FNDC1: variants seen among roughly 807,000 people sequenced by gnomAD.
The protein encoded by FNDC1 is fibronectin type III domain containing 1.
FNDC1 carries 96 observed loss-of-function variants against 168.0 expected under a neutral mutation model. The observed-to-expected ratio is 0.57, with a 90% confidence interval of 0.48 to 0.68. The LOEUF (loss-of-function observed/expected upper bound fraction) is 0.68. Ranked by LOEUF, FNDC1 falls within the 30% of genes least tolerant of loss-of-function variation. FNDC1 has a pLI of 0.00. For synonymous variants in FNDC1, 1,099 were observed against 1,025.9 expected (o/e 1.07, Z -1.36); for missense variants, 2,587 against 2,482.1 (o/e 1.04, Z -0.90).
intron 1 of FNDC1, among the ~76,000 whole-genome samples, chr6:159,185,094 C>T (rs186644165): frequency 0.018 from 2,684 of 145,544 alleles, 38 homozygotes; most frequent in Middle Eastern, 0.031. Flanking sequence ...TGTTTTTGCT[C>T]TGAAACGGTA....
At chr6:159,236,368 A>C in intron 12 of FNDC1, 53 bp downstream of exon 12, 1 of 1,204,052 alleles carries the variant, frequency 8.3e-7, no homozygotes, top group Non-Finnish European at 1.2e-6. Flanking sequence ...TTGAGAAGAG[A>C]AAAATGGTGG....
chr6:159,223,256 A>G (rs1782875366), intron 6 of FNDC1, among the ~76,000 whole-genome samples: 1 of 152,122 alleles, frequency 6.6e-6, no homozygotes, highest in African/African-American at 2.4e-5. Context: ...TCGGCCTCCC[A>G]AAGTGCTGGG....
intron 7 of FNDC1, among the ~76,000 whole-genome samples, chr6:159,223,868 C>T (rs1782898461): frequency 6.6e-6 from 1 of 152,232 alleles, no homozygotes; most frequent in Non-Finnish European, 1.5e-5. Context: ...GTGTAGTGCA[C>T]ACAGCAGGAA....
chr6:159,263,932 G>A (rs956401995), intron 19 of FNDC1, among the ~76,000 whole-genome samples: 2 of 152,190 alleles, frequency 1.3e-5, no homozygotes, highest in Admixed American at 1.3e-4. Context: ...TCCAGCCTGG[G>A]CAACAAGAGC....
chr6:159,195,602 C>T (rs1298067063), intron 1 of FNDC1, among the ~76,000 whole-genome samples: 1 of 152,152 alleles, frequency 6.6e-6, no homozygotes, highest in African/African-American at 2.4e-5. Context: ...CCTGGTGTAG[C>T]TGTGTGACTC....
At chr6:159,207,237 TG>T (rs1374839392) in intron 4 of FNDC1, among the ~76,000 whole-genome samples, 2 of 152,080 alleles carry the variant, frequency 1.3e-5, no homozygotes, top group Non-Finnish European at 2.9e-5. Context: ...ACACAAGCAG[TG>T]GGGGTAAGGC....
At chr6:159,224,814 G>C (rs997863577) in intron 7 of FNDC1, among the ~76,000 whole-genome samples, 1 of 152,150 alleles carries the variant, frequency 6.6e-6, no homozygotes, top group Non-Finnish European at 1.5e-5. Context: ...CTGCAAAGAG[G>C]CCACAAAGAC....
chr6:159,198,712 A>C (rs972483765), intron 2 of FNDC1, among the ~76,000 whole-genome samples: 3 of 152,240 alleles, frequency 2.0e-5, no homozygotes, highest in African/African-American at 7.2e-5. Context: ...GAGCTCACTA[A>C]AAAACAAATA....
chr6:159,261,124 A>T (rs1260305411), intron 18 of FNDC1, 66 bp from the exon 19 acceptor site: 1 of 1,240,710 alleles, frequency 8.1e-7, no homozygotes. Flanking sequence ...GTAGTTTGGG[A>T]GTCTGTTTTG....
chr6:159,208,929 C>A (rs1782542910), intron 4 of FNDC1, among the ~76,000 whole-genome samples: 3 of 150,664 alleles, frequency 2.0e-5, no homozygotes, highest in African/African-American at 7.4e-5. Flanking sequence ...CTCACCGCAA[C>A]CTCTGCCTCC....
chr6:159,252,767 G>A (rs1777296360), intron 17 of FNDC1, among the ~76,000 whole-genome samples: 1 of 152,172 alleles, frequency 6.6e-6, no homozygotes, highest in African/African-American at 2.4e-5. Context: ...AAGCAAGAAA[G>A]CATACAGAAA....
At chr6:159,270,563 G>A (rs542030394) in intron 22 of FNDC1, among the ~76,000 whole-genome samples, 4 of 152,306 alleles carry the variant, frequency 2.6e-5, no homozygotes, top group South Asian at 4.1e-4. Flanking sequence ...ACTCACTGGT[G>A]GAAGGGCAGG....
At chr6:159,266,487 GTAA>G (rs1777595664) in intron 21 of FNDC1, among the ~76,000 whole-genome samples, 1 of 152,154 alleles carries the variant, frequency 6.6e-6, no homozygotes, top group Non-Finnish European at 1.5e-5. Context: ...GCTCACACCT[GTAA>G]TCGCAGCACT....
chr6:159,264,923 G>A (rs1777558857), intron 19 of FNDC1, 52 bp from the exon 20 acceptor site: 5 of 1,495,804 alleles, frequency 3.3e-6, no homozygotes, highest in Non-Finnish European at 4.6e-6. Context: ...TTAAAGAATT[G>A]CATGATTGTG....
At chr6:159,244,229 G>A (rs373551511) in intron 14 of FNDC1, among the ~76,000 whole-genome samples, 1 of 152,226 alleles carries the variant, frequency 6.6e-6, no homozygotes, top group African/African-American at 2.4e-5. Flanking sequence ...AGTTTACAGG[G>A]TGTGAACCTG....
At chr6:159,170,828 T>A (rs576736381) in intron 1 of FNDC1, among the ~76,000 whole-genome samples, 1 of 152,202 alleles carries the variant, frequency 6.6e-6, no homozygotes, top group African/African-American at 2.4e-5. Flanking sequence ...AGGGTCTTTT[T>A]CTTCCCATTA....
At chr6:159,196,233 G>A (rs533914582) in intron 1 of FNDC1, among the ~76,000 whole-genome samples, 7 of 152,228 alleles carry the variant, frequency 4.6e-5, no homozygotes, top group Non-Finnish European at 1.0e-4. Context: ...GTAGATTTTT[G>A]TCCATACCCT....
intron 1 of FNDC1, among the ~76,000 whole-genome samples, chr6:159,182,726 G>A (rs1781907906): frequency 6.6e-6 from 1 of 152,122 alleles, no homozygotes; most frequent in South Asian, 2.1e-4. Context: ...TCACCCAATT[G>A]AATAGCATAT....
At chr6:159,189,782 A>C (rs922380424) in intron 1 of FNDC1, among the ~76,000 whole-genome samples, 2 of 152,182 alleles carry the variant, frequency 1.3e-5, no homozygotes, top group African/African-American at 4.8e-5. Context: ...TGGACTTTAA[A>C]TTTCCCCTGG....
Sources: gnomAD v4.1 joint callset for allele counts (sites outside exome capture counted in the v4.1 genomes callset) on GRCh38, gnomAD v4.1.1 for gene constraint, MANE v1.5 for transcripts, NCBI Gene and HGNC (gene_info 2026-07-23, HGNC 2026-07-21) for gene names.